The following CTNNA3 variants were observed in gnomAD, a reference collection of about 807,000 sequenced individuals.
CTNNA3 encodes catenin alpha-3.
CTNNA3 carries 76 observed loss-of-function variants against 95.7 expected under a neutral mutation model. The ratio of observed to expected loss-of-function variants is 0.79; its 90% CI spans 0.66 to 0.96. The LOEUF is 0.96. Among genes scored for constraint, CTNNA3 ranks in the 40% least tolerant of loss-of-function variants. CTNNA3 has a pLI of 0.00. For synonymous variants in CTNNA3, 431 were observed against 374.4 expected (o/e 1.15, Z -1.74); for missense variants, 1,191 against 1,089.8 (o/e 1.09, Z -1.31).
At chr10:67,653,960 C>A (rs1016004648) in intron 1 of CTNNA3, among the ~76,000 whole-genome samples, 2 of 152,170 alleles carry the variant, frequency 1.3e-5, no homozygotes, top group African/African-American at 4.8e-5. Context: ...AAGACTGAAC[C>A]ATTCAATGTG....
intron 5 of CTNNA3, among the ~76,000 whole-genome samples, chr10:67,363,197 G>T (rs1843063212): frequency 6.6e-6 from 1 of 151,980 alleles, no homozygotes. Context: ...ATTGCCCAAA[G>T]CAATCTACAC....
At chr10:67,311,916 C>CA (rs1317471514) in intron 5 of CTNNA3, among the ~76,000 whole-genome samples, 1 of 151,852 alleles carries the variant, frequency 6.6e-6, no homozygotes, top group Non-Finnish European at 1.5e-5. Flanking sequence ...ATTGGATCAC[C>CA]AAATCCATCA....
At chr10:66,005,500 A>G (rs867466171) in intron 15 of CTNNA3, among the ~76,000 whole-genome samples, 14 of 152,116 alleles carry the variant, frequency 9.2e-5, no homozygotes, top group African/African-American at 2.9e-4. Flanking sequence ...TGCTAGCTGT[A>G]TGCTCCTTTA....
At chr10:66,619,262 G>A (rs1174422169) in intron 10 of CTNNA3, among the ~76,000 whole-genome samples, 5 of 151,216 alleles carry the variant, frequency 3.3e-5, no homozygotes, top group Admixed American at 1.3e-4. Flanking sequence ...ACATGCACAC[G>A]TATGTTTATT....
intron 5 of CTNNA3, among the ~76,000 whole-genome samples, chr10:67,508,146 T>C (rs548460724): frequency 6.6e-6 from 1 of 152,102 alleles, no homozygotes; most frequent in Non-Finnish European, 1.5e-5. Context: ...CCCGAATAGC[T>C]GGGATTACAG....
At chr10:67,692,057 G>A (rs1366342723) in intron 1 of CTNNA3, among the ~76,000 whole-genome samples, 7 of 146,326 alleles carry the variant, frequency 4.8e-5, no homozygotes, top group Admixed American at 6.7e-5. Context: ...CGCCCCGTCC[G>A]GGAGGGAGGT....
chr10:67,620,755 A>G (rs1407660332), intron 2 of CTNNA3, among the ~76,000 whole-genome samples: 1 of 152,048 alleles, frequency 6.6e-6, no homozygotes, highest in East Asian at 1.9e-4. Context: ...TAAATTAACG[A>G]AATATGGTAT....
At chr10:66,552,839 G>A (rs904749982) in intron 10 of CTNNA3, among the ~76,000 whole-genome samples, 3 of 151,400 alleles carry the variant, frequency 2.0e-5, no homozygotes, top group Non-Finnish European at 4.4e-5. Context: ...TATTAATATA[G>A]CTTCTCTGGG....
chr10:67,579,449 A>G (rs796704822), intron 3 of CTNNA3, among the ~76,000 whole-genome samples: 1 of 151,996 alleles, frequency 6.6e-6, no homozygotes, highest in South Asian at 2.1e-4. Flanking sequence ...AATCCAGTCT[A>G]TCATTGTTGG....
chr10:66,987,494 T>C (rs762748259), intron 7 of CTNNA3, among the ~76,000 whole-genome samples: 41 of 152,162 alleles, frequency 2.7e-4, no homozygotes, highest in Non-Finnish European at 4.7e-4. Context: ...AAAGACTTTG[T>C]TATTTGTTTG....
At chr10:67,635,130 G>T (rs1165223170) in intron 2 of CTNNA3, among the ~76,000 whole-genome samples, 3 of 151,948 alleles carry the variant, frequency 2.0e-5, no homozygotes, top group Admixed American at 6.6e-5. Flanking sequence ...GGAAAAAACT[G>T]AATGCCTGAA....
intron 5 of CTNNA3, among the ~76,000 whole-genome samples, chr10:67,311,400 T>G (rs1028121192): frequency 6.6e-6 from 1 of 152,006 alleles, no homozygotes; most frequent in Non-Finnish European, 1.5e-5. Flanking sequence ...AGAAAAATGG[T>G]ATTAAAACCA....
chr10:66,149,587 C>T (rs1425800430), intron 13 of CTNNA3, among the ~76,000 whole-genome samples: 1 of 148,382 alleles, frequency 6.7e-6, no homozygotes, highest in East Asian at 2.0e-4. Context: ...AATGTATGAA[C>T]ACCCTTACAC....
chr10:67,713,535 AG>A (rs1158102050), intron 1 of CTNNA3, among the ~76,000 whole-genome samples: 2 of 152,240 alleles, frequency 1.3e-5, no homozygotes, highest in Non-Finnish European at 1.5e-5. Context: ...GAACCAACCC[AG>A]ATGCCCATCA....
In CTNNA3 at chr10:66,393,499, T is replaced by C. The variant is rs1217030702; in HGVS notation, c.1532-14147A>G. ...CACTGTTCAGCTTCTAAAATAGGAA[T>C]AAAAATATTCAATTACATACATTAT... is the stretch of plus-strand genomic sequence containing the variant. On this transcript the variant is annotated intron_variant, in intron 11 of 17. Transcript: ENST00000433211. 2.0e-5 allele frequency among the ~76,000 whole-genome samples: 3 copies of C among 152,100 alleles called. 1 individual carries two copies. The highest frequency in any genetic ancestry group is 6.6e-5 in the Admixed American group (1 of 15,246).
chr10:66,545,529 A>C (rs1394662360), intron 10 of CTNNA3, among the ~76,000 whole-genome samples: 1 of 152,068 alleles, frequency 6.6e-6, no homozygotes, highest in Non-Finnish European at 1.5e-5. Flanking sequence ...TATATGCATC[A>C]GTGTCTTCAG....
Position 67,194,938 on chromosome 10 carries a change from T to TA in CTNNA3, c.844-14419dup, listed in dbSNP as rs766101946. Among the ~76,000 whole-genome samples, 5 of 152,006 alleles carry TA rather than the reference T, an allele frequency of 3.3e-5. No homozygotes were observed. In the East Asian group the frequency reaches 5.8e-4, roughly 18 times the overall value. Reference sequence around the variant, plus strand: ...AGAAAAGTCTTCTAGTCTTTAATACTAAAAGGCTGAAAGCCTTTTATTTAA... The same window carrying TA: ...AGAAAAGTCTTCTAGTCTTTAATACTAAAAAGGCTGAAAGCCTTTTATTTAA... On this transcript the variant is annotated intron_variant, in intron 6 of 17. Coordinates refer to ENST00000433211, the MANE Select transcript of CTNNA3 (RefSeq NM_013266.4).
chr10:67,111,528 C>T (rs1228914752), intron 7 of CTNNA3, among the ~76,000 whole-genome samples: 2 of 151,938 alleles, frequency 1.3e-5, no homozygotes, highest in Non-Finnish European at 2.9e-5. Context: ...TTTTACATGA[C>T]TGTTTATGTG....
At chr10:66,596,836 GA>G (rs1171188559) in intron 10 of CTNNA3, among the ~76,000 whole-genome samples, 3 of 151,856 alleles carry the variant, frequency 2.0e-5, no homozygotes, top group Non-Finnish European at 2.9e-5. Flanking sequence ...TAATCCCAAG[GA>G]AATAGACATC....
Sources: allele counts gnomAD v4.1 joint callset (sites outside exome capture counted in the v4.1 genomes callset), GRCh38; gene constraint gnomAD v4.1.1; transcripts MANE v1.5; gene names NCBI Gene and HGNC (gene_info 2026-07-23, HGNC 2026-07-21).